The following TGM6 variants were observed in gnomAD, a reference collection of about 807,000 sequenced individuals.
TGM6 encodes protein-glutamine gamma-glutamyltransferase 6.
TGM6 carries 74 observed loss-of-function variants against 77.5 expected under a neutral mutation model. The observed-to-expected ratio is 0.96, with a 90% CI of 0.79 to 1.16. The LOEUF is 1.16. Ranked by LOEUF, TGM6 falls within the 50% of genes most tolerant of loss-of-function variation. TGM6 has a pLI of 0.00. For missense variants in TGM6, 968 were observed against 940.2 expected, an observed-to-expected ratio of 1.03 and a Z score of -0.39; for synonymous variants, 383 against 378.9, an observed-to-expected ratio of 1.01 and a Z score of -0.12.
intron 4 of TGM6, among the ~76,000 whole-genome samples, chr20:2,396,927 T>C (rs1408850580): frequency 6.6e-6 from 1 of 152,162 alleles, no homozygotes; most frequent in Non-Finnish European, 1.5e-5. Flanking sequence ...CCAGGAGGGA[T>C]GGCGTGCTGG....
chr20:2,402,269 A>G (rs1268009503), intron 7 of TGM6, among the ~76,000 whole-genome samples: 2 of 152,006 alleles, frequency 1.3e-5, no homozygotes, highest in African/African-American at 2.4e-5. Context: ...AAAAATTAAA[A>G]AATAAAGATT....
At chr20:2,413,995 T>C (rs6137946) in intron 9 of TGM6, among the ~76,000 whole-genome samples, 15,211 of 152,120 alleles carry the variant, frequency 0.1, 1,026 homozygotes, top group East Asian at 0.23. Flanking sequence ...ATGTATTGAA[T>C]GGATAAAGCA....
chr20:2,395,049 C>T, intron 2 of TGM6, 145 bp from the exon 3 acceptor site: 1 of 1,366,650 alleles, frequency 7.3e-7, no homozygotes, highest in Non-Finnish European at 1.0e-6. Context: ...CACTGGCCTT[C>T]TTGCTCTTTG....
chr20:2,398,471 C>G (rs1281389831), intron 5 of TGM6, among the ~76,000 whole-genome samples: 2 of 152,106 alleles, frequency 1.3e-5, no homozygotes, highest in African/African-American at 4.8e-5. Flanking sequence ...GCAGCTGGGA[C>G]CCACCAGTCA....
intron 1 of TGM6, among the ~76,000 whole-genome samples, chr20:2,387,395 G>A (rs910807783): frequency 6.6e-6 from 1 of 152,162 alleles, no homozygotes; most frequent in Non-Finnish European, 1.5e-5. Flanking sequence ...GTGCCACATG[G>A]GGTCACTGTT....
chr20:2,395,541 G>A (rs1245080240), intron 3 of TGM6, 105 bp downstream of exon 3: 2 of 1,594,676 alleles, frequency 1.3e-6, no homozygotes, highest in Admixed American at 3.3e-5. Context: ...ACAAGAAGCT[G>A]AATGCCAAGA....
Position 2,417,217 on chromosome 20 carries a change from T to C in TGM6, c.1337-15T>C, listed in dbSNP as rs754392096. ...AAGGGGGTGCCTGCCGCTGACGTTG[T>C]GTGATGCCCTGCAGGGTCCCGGAAA... On this transcript the variant is annotated splice_polypyrimidine_tract_variant and intron_variant, in intron 9 of 12. Transcript: ENST00000202625. 20 of 1,584,358 alleles carry C rather than the reference T, an allele frequency of 1.3e-5. No homozygotes were observed. The highest frequency in any genetic ancestry group is 1.7e-5 in the Non-Finnish European group (20 of 1,165,380).
At chr20:2,401,471 A>T (rs1435658738) in intron 7 of TGM6, among the ~76,000 whole-genome samples, 1 of 152,196 alleles carries the variant, frequency 6.6e-6, no homozygotes, top group Non-Finnish European at 1.5e-5. Flanking sequence ...TGGCAGCTTT[A>T]TGTGATACTG....
rs1248061671 is a variant in TGM6, at chr20:2,432,506, C to G, written c.1984C>G (p.Pro662Ala). The G allele has an allele frequency of 1.9e-6, 3 of 1,614,130 alleles. No individual in the cohort carries two copies. The East Asian group carries it at 6.7e-5, about 36-fold the overall frequency. ...TTCCTCCAGCGTGCCTACCCTGGAG[C>G]CTCAGGAGAGGGCCTCAGTCCAGTT... ...QLSIDVPTLE[P>A]QERASVQFDI... Residue 662 changes from proline to alanine, a missense_variant, in exon 13 of 13, where the codon CCT (proline) becomes GCT (alanine). Pro to Ala is a conservative substitution (Grantham distance 27). Coordinates refer to ENST00000202625, the MANE Select transcript of TGM6 (RefSeq NM_198994.3).
rs1282674328 is a variant in TGM6, at chr20:2,394,462, C to T, written c.18C>T (p.Val6=). 6.2e-7 allele frequency: 1 copy of T among 1,611,370 alleles called. No individual in the cohort carries two copies. MAGIR[V]TKVDWQRSRN... ...CCTCTCCCCACCCAGGGATCAGAGT[C>T]ACCAAGGTGGACTGGCAGCGGTCGA... The change falls in exon 2 of 13, where the codon GTC becomes GTT. Residue 6 remains valine, a synonymous_variant. Transcript: ENST00000202625.
chr20:2,391,153 G>A (rs6076037), intron 1 of TGM6, among the ~76,000 whole-genome samples: 8 of 151,158 alleles, frequency 5.3e-5, no homozygotes, highest in Non-Finnish European at 1.0e-4. Context: ...GGGGGCACAG[G>A]GGAAGTGAAA....
intron 10 of TGM6, among the ~76,000 whole-genome samples, chr20:2,426,313 G>A (rs1266389678): frequency 1.3e-5 from 2 of 151,972 alleles, no homozygotes; most frequent in East Asian, 1.9e-4. Context: ...TTCATTGCTG[G>A]TATATAGGAA....
intron 10 of TGM6, among the ~76,000 whole-genome samples, chr20:2,423,451 T>G (rs1263575507): frequency 6.6e-6 from 1 of 152,148 alleles, no homozygotes; most frequent in Non-Finnish European, 1.5e-5. Flanking sequence ...GAAAAACACT[T>G]TCTTTGCTCA....
chr20:2,390,297 C>T (rs2084621850), intron 1 of TGM6, among the ~76,000 whole-genome samples: 1 of 152,148 alleles, frequency 6.6e-6, no homozygotes, highest in Non-Finnish European at 1.5e-5. Context: ...ACTTTTGTTT[C>T]AGTTTATATC....
intron 1 of TGM6, among the ~76,000 whole-genome samples, chr20:2,385,055 G>A (rs754212324): frequency 1.3e-5 from 2 of 152,218 alleles, no homozygotes; most frequent in Non-Finnish European, 2.9e-5. Context: ...CAGTGGGTGA[G>A]CTACCTCTCA....
At chr20:2,406,842 A>AAC (rs2084755209) in intron 9 of TGM6, among the ~76,000 whole-genome samples, 1 of 124,142 alleles carries the variant, frequency 8.1e-6, no homozygotes, top group African/African-American at 2.7e-5. Context: ...AAAAAAAAAA[A>AAC]AAAAAAAAAA....
intron 12 of TGM6, among the ~76,000 whole-genome samples, chr20:2,432,237 G>A (rs1186084140): frequency 6.6e-6 from 1 of 152,038 alleles, no homozygotes; most frequent in African/African-American, 2.4e-5. Context: ...TAGTAGAGAT[G>A]AGGTTTCACC....
chr20:2,380,974 A>G lies in TGM6; in HGVS notation c.6A>G (p.Ala2=). 1 of 1,608,630 alleles carries G rather than the reference A, an allele frequency of 6.2e-7. No individual in the cohort carries two copies. The highest frequency in any genetic ancestry group is 1.3e-5 in the African/African-American group (1 of 74,976). The change falls in exon 1 of 13, where the codon GCA becomes GCG. Residue 2 remains alanine (A), a splice_region_variant and synonymous_variant. Coordinates refer to ENST00000202625, the MANE Select transcript of TGM6 (RefSeq NM_198994.3). The part of the protein sequence containing the change: M[A]GIRVTKVDWQ... ...GGAGTCCAGCTGGCCTTCACATGGCAGGTAAGTGGGCAGAGCCTGGGGCCT... is the reference window on the plus strand; with the variant it reads ...GGAGTCCAGCTGGCCTTCACATGGCGGGTAAGTGGGCAGAGCCTGGGGCCT...
Position 2,417,163 on chromosome 20 carries a change from T to G in TGM6, c.1337-69T>G, listed in dbSNP as rs1302681380. The G allele has an allele frequency of 2.1e-6, 3 of 1,452,910 alleles. No homozygotes were observed. In the East Asian group the frequency reaches 7.4e-5, roughly 36 times the overall value. 90.0% of individuals were successfully genotyped at this position (1,452,910 alleles called of 1,614,324 possible). ...ATGGCTCTTGAACTGCCAGTTTGAC[T>G]TCCATGAGCCATAGTAAATTAAAGG... On this transcript the variant is annotated intron_variant, in intron 9 of 12. Transcript: ENST00000202625.
Sources: gnomAD v4.1 joint callset for allele counts (sites outside exome capture counted in the v4.1 genomes callset) on GRCh38, gnomAD v4.1.1 for gene constraint, MANE v1.5 for transcripts, NCBI Gene and HGNC (gene_info 2026-07-23, HGNC 2026-07-21) for gene names.